ENTREP2: variants seen among roughly 807,000 people sequenced by gnomAD.
The protein encoded by ENTREP2 is protein ENTREP2.
the ENTREP2 span, among the ~76,000 whole-genome samples, chr15:29,543,762 G>A: frequency 2.0e-5 from 3 of 149,556 alleles, no homozygotes; most frequent in Non-Finnish European, 4.4e-5. Flanking sequence ...CTGGGCAACA[G>A]AGCAAGACTC....
At chr15:29,474,637 C>T in the ENTREP2 span, among the ~76,000 whole-genome samples, 1 of 152,060 alleles carries the variant, frequency 6.6e-6, no homozygotes, top group Non-Finnish European at 1.5e-5. Context: ...TCATGGCAAC[C>T]TCCGCCTCCC....
At chr15:29,247,453 C>G in the ENTREP2 span, among the ~76,000 whole-genome samples, 79,969 of 151,960 alleles carry the variant, frequency 0.53, 21,919 homozygotes, top group South Asian at 0.62. Context: ...ATGGGGTAAG[C>G]GGTAGAACTT....
the ENTREP2 span, among the ~76,000 whole-genome samples, chr15:29,571,647 T>A: frequency 6.6e-6 from 1 of 152,128 alleles, no homozygotes; most frequent in African/African-American, 2.4e-5. Flanking sequence ...TAAAAAAAAA[T>A]TGCACAAAAC....
the ENTREP2 span, among the ~76,000 whole-genome samples, chr15:29,551,075 T>C: frequency 0.35 from 53,082 of 152,026 alleles, 9,387 homozygotes; most frequent in East Asian, 0.41. Flanking sequence ...GTAGTAAATA[T>C]CAATAGCTGT....
the ENTREP2 span, among the ~76,000 whole-genome samples, chr15:29,132,850 C>T: frequency 1.3e-5 from 2 of 152,066 alleles, no homozygotes; most frequent in Non-Finnish European, 2.9e-5. Flanking sequence ...CGTCAGGAGG[C>T]AGAGGGGTCC....
At chr15:29,632,649 G>C in the ENTREP2 span, among the ~76,000 whole-genome samples, 1 of 152,190 alleles carries the variant, frequency 6.6e-6, no homozygotes, top group African/African-American at 2.4e-5. Context: ...GCTAGGCATG[G>C]TGGTAGGCAC....
At chr15:29,553,041 A>T in the ENTREP2 span, among the ~76,000 whole-genome samples, 7,577 of 152,298 alleles carry the variant, frequency 0.05, 591 homozygotes, top group African/African-American at 0.17. Context: ...CACGCCTGTA[A>T]TCCCAACACT....
At chr15:29,190,240 G>A in the ENTREP2 span, among the ~76,000 whole-genome samples, 1 of 152,284 alleles carries the variant, frequency 6.6e-6, no homozygotes, top group East Asian at 1.9e-4. Flanking sequence ...TGTGTGGTGT[G>A]GTGGAGTTCC....
chr15:29,523,238 T>A, the ENTREP2 span, among the ~76,000 whole-genome samples: 1 of 152,148 alleles, frequency 6.6e-6, no homozygotes, highest in African/African-American at 2.4e-5. Flanking sequence ...AGGTAATAAA[T>A]GAGTTCAGCA....
the ENTREP2 span, among the ~76,000 whole-genome samples, chr15:29,640,595 C>G: frequency 2.6e-3 from 396 of 151,466 alleles, 5 homozygotes; most frequent in African/African-American, 9.3e-3. Flanking sequence ...CCCAGGAGGT[C>G]AAGGCTGCAG....
the ENTREP2 span, among the ~76,000 whole-genome samples, chr15:29,582,715 A>G: frequency 6.6e-6 from 1 of 151,952 alleles, no homozygotes; most frequent in Non-Finnish European, 1.5e-5. Flanking sequence ...GCAGTGGCAC[A>G]ATCTTGGCTC....
the ENTREP2 span, chr15:29,233,590 A>G: frequency 6.2e-6 from 4 of 646,554 alleles, no homozygotes; most frequent in South Asian, 5.6e-5. Context: ...AATACTGACT[A>G]TAAGACCATA....
the ENTREP2 span, among the ~76,000 whole-genome samples, chr15:29,656,681 A>G: frequency 1.3e-5 from 2 of 152,308 alleles, no homozygotes; most frequent in African/African-American, 4.8e-5. Context: ...TAAAATGGCT[A>G]AAAACCTGAC....
the ENTREP2 span, among the ~76,000 whole-genome samples, chr15:29,473,993 C>T: frequency 6.6e-6 from 1 of 152,220 alleles, no homozygotes; most frequent in Non-Finnish European, 1.5e-5. Flanking sequence ...CTGAACCTAG[C>T]CATGGATTCT....
At chr15:29,187,758 C>T in the ENTREP2 span, among the ~76,000 whole-genome samples, 13 of 152,212 alleles carry the variant, frequency 8.5e-5, no homozygotes, top group Admixed American at 8.5e-4. Context: ...ATTTGTGCCA[C>T]GCCCCTCGCT....
the ENTREP2 span, among the ~76,000 whole-genome samples, chr15:29,287,203 T>G: frequency 2.6e-5 from 4 of 152,062 alleles, no homozygotes; most frequent in African/African-American, 7.2e-5. Context: ...TCAGGCACTA[T>G]CCGCGGCCAT....
At chr15:29,260,112 C>T in the ENTREP2 span, among the ~76,000 whole-genome samples, 1 of 152,132 alleles carries the variant, frequency 6.6e-6, no homozygotes, top group African/African-American at 2.4e-5. Flanking sequence ...AACAAAGAAA[C>T]GTCTGGGCCT....
the ENTREP2 span, among the ~76,000 whole-genome samples, chr15:29,619,534 C>T: frequency 6.6e-6 from 1 of 152,042 alleles, no homozygotes. Flanking sequence ...CACACACAAA[C>T]CCAGGCCTAT....
the ENTREP2 span, among the ~76,000 whole-genome samples, chr15:29,167,033 A>C: frequency 1.4e-4 from 21 of 152,288 alleles, no homozygotes; most frequent in Non-Finnish European, 2.6e-4. Flanking sequence ...AAGCCAACCG[A>C]TCTTTGACAA....
Sources: allele counts gnomAD v4.1 joint callset (sites outside exome capture counted in the v4.1 genomes callset), GRCh38; gene constraint gnomAD v4.1.1; transcripts MANE v1.5; gene names NCBI Gene and HGNC (gene_info 2026-07-23, HGNC 2026-07-21).